The following SHTN1 variants were observed in gnomAD, a reference collection of about 807,000 sequenced individuals.
SHTN1 encodes the protein shootin-1.
SHTN1 carries 42 observed loss-of-function variants against 83.1 expected under a neutral mutation model. The ratio of observed to expected loss-of-function variants is 0.51; its 90% CI spans 0.39 to 0.65. The LOEUF (loss-of-function observed/expected upper bound fraction) is 0.65, where lower values mean the gene tolerates loss of function less well. Ranked by LOEUF, SHTN1 falls within the 30% of genes least tolerant of loss-of-function variation. SHTN1 has a pLI of 0.00. For synonymous variants in SHTN1, 224 were observed against 247.7 expected, an observed-to-expected ratio of 0.90 and a Z score of 0.90; for missense variants, 622 against 737.8, an observed-to-expected ratio of 0.84 and a Z score of 1.82.
chr10:117,086,972 C>T (rs1853361165), intron 1 of SHTN1, among the ~76,000 whole-genome samples: 1 of 152,142 alleles, frequency 6.6e-6, no homozygotes, highest in Admixed American at 6.5e-5. Flanking sequence ...AGCCCTGGAA[C>T]ATTATACTAA....
intron 12 of SHTN1, among the ~76,000 whole-genome samples, chr10:116,919,089 A>G (rs1379345349): frequency 6.6e-6 from 1 of 152,246 alleles, no homozygotes; most frequent in Non-Finnish European, 1.5e-5. Flanking sequence ...ATAAGATGCT[A>G]ACCTAAGAAA....
At chr10:116,969,616 T>C (rs1850531755) in intron 2 of SHTN1, among the ~76,000 whole-genome samples, 2 of 152,166 alleles carry the variant, frequency 1.3e-5, no homozygotes, top group Non-Finnish European at 2.9e-5. Context: ...CGATTTTTAA[T>C]TTAAAAAGGT....
chr10:117,016,266 T>C (rs1014337670), intron 2 of SHTN1, among the ~76,000 whole-genome samples: 2 of 152,204 alleles, frequency 1.3e-5, no homozygotes, highest in Admixed American at 6.5e-5. Context: ...TTGAGGCGTA[T>C]GTGTGTCTGT....
intron 1 of SHTN1, among the ~76,000 whole-genome samples, chr10:117,084,635 C>A (rs1183021130): frequency 1.3e-5 from 2 of 151,964 alleles, no homozygotes; most frequent in East Asian, 3.9e-4. Flanking sequence ...CCTCCCCCAG[C>A]CTCGCTGCCG....
intron 1 of SHTN1, among the ~76,000 whole-genome samples, chr10:117,049,755 T>G (rs888044813): frequency 6.6e-6 from 1 of 152,154 alleles, no homozygotes; most frequent in African/African-American, 2.4e-5. Context: ...TTGAGGAAAT[T>G]AAGGGCCATT....
chr10:116,990,273 TTTCTTTTTTC>T (rs1851373992), intron 1 of SHTN1, among the ~76,000 whole-genome samples: 1 of 136,096 alleles, frequency 7.3e-6, no homozygotes, highest in African/African-American at 2.7e-5. Flanking sequence ...CTTTTTTCTT[TTTCTTTTTTC>T]TTTCTTTTTT....
intron 1 of SHTN1, among the ~76,000 whole-genome samples, chr10:116,995,647 T>C (rs568580988): frequency 6.6e-6 from 1 of 152,234 alleles, no homozygotes; most frequent in South Asian, 2.1e-4. Flanking sequence ...GAAGAATCCG[T>C]TCTTCTTTTA....
intron 2 of SHTN1, among the ~76,000 whole-genome samples, chr10:117,047,524 C>T (rs540251663): frequency 4.5e-4 from 68 of 152,172 alleles, no homozygotes; most frequent in African/African-American, 1.6e-3. Context: ...TGAAAGCAAA[C>T]GTATCAACGA....
intron 1 of SHTN1, among the ~76,000 whole-genome samples, chr10:117,070,131 A>C (rs1353555487): frequency 1.3e-5 from 2 of 151,870 alleles, no homozygotes; most frequent in African/African-American, 4.8e-5. Flanking sequence ...TGCTAAAAAA[A>C]AAAAAATCCA....
intron 1 of SHTN1, among the ~76,000 whole-genome samples, chr10:117,084,015 T>A (rs1344835221): frequency 1.3e-5 from 2 of 152,060 alleles, no homozygotes; most frequent in Non-Finnish European, 2.9e-5. Context: ...TCAGAGTAAT[T>A]TGATCTTCTG....
At chr10:117,052,881 A>G (rs9665549) in intron 1 of SHTN1, among the ~76,000 whole-genome samples, 136,554 of 150,596 alleles carry the variant, frequency 0.91, 62,697 homozygotes, top group Non-Finnish European at 0.98. Context: ...ATAGCCAGGC[A>G]TGGTGGTGGG....
chr10:116,996,269 G>A (rs1589881709), intron 1 of SHTN1, among the ~76,000 whole-genome samples: 1 of 152,028 alleles, frequency 6.6e-6, no homozygotes, highest in East Asian at 1.9e-4. Context: ...CCTGCAATCT[G>A]GAATGGATCC....
At chr10:116,976,840 C>T (rs556386524) in intron 2 of SHTN1, among the ~76,000 whole-genome samples, 9 of 152,096 alleles carry the variant, frequency 5.9e-5, no homozygotes, top group Non-Finnish European at 8.8e-5. Context: ...TTTGTTTTAC[C>T]CAACCACACA....
intron 2 of SHTN1, among the ~76,000 whole-genome samples, chr10:116,972,380 T>G (rs1197944357): frequency 2.6e-5 from 4 of 152,216 alleles, no homozygotes; most frequent in Admixed American, 6.5e-5. Flanking sequence ...AGTCTACACA[T>G]GCTGCAAATG....
intron 9 of SHTN1, among the ~76,000 whole-genome samples, chr10:116,932,039 G>A (rs1449022098): frequency 1.3e-5 from 2 of 152,196 alleles, no homozygotes; most frequent in Non-Finnish European, 2.9e-5. Flanking sequence ...GTGTGAAAGC[G>A]ACATGCATTC....
chr10:116,979,439 G>A, intron 1 of SHTN1, 131 bp from the exon 2 acceptor site: 1 of 708,820 alleles, frequency 1.4e-6, no homozygotes, highest in Non-Finnish European at 2.5e-6. Context: ...TGCAGAAAAG[G>A]GGCTTCTGCT....
intron 14 of SHTN1, 79 bp from the exon 15 acceptor site, chr10:116,906,826 A>G: frequency 8.6e-7 from 1 of 1,157,260 alleles, no homozygotes; most frequent in Non-Finnish European, 1.2e-6. Context: ...TCAAACCATG[A>G]AAACATTACC....
chr10:117,074,902 A>T (rs1409037193), intron 1 of SHTN1, among the ~76,000 whole-genome samples: 4 of 152,204 alleles, frequency 2.6e-5, no homozygotes, highest in Non-Finnish European at 5.9e-5. Context: ...CTAAGGCTCT[A>T]TACTTGAGGA....
At chr10:116,931,421 G>T (rs982694263) in intron 9 of SHTN1, among the ~76,000 whole-genome samples, 7 of 152,014 alleles carry the variant, frequency 4.6e-5, no homozygotes, top group Non-Finnish European at 4.4e-5. Flanking sequence ...GCTAATTTTT[G>T]TATTTTTAGT....
Sources: gnomAD v4.1 joint callset for allele counts (sites outside exome capture counted in the v4.1 genomes callset) on GRCh38, gnomAD v4.1.1 for gene constraint, MANE v1.5 for transcripts, NCBI Gene and HGNC (gene_info 2026-07-23, HGNC 2026-07-21) for gene names.